Variants in RABL6 observed in about 807,000 individuals in gnomAD.
The protein encoded by RABL6 is RAB, member RAS oncogene family like 6.
A neutral mutation model predicts 72.9 loss-of-function variants in RABL6; 28 were observed. The ratio of observed to expected loss-of-function variants is 0.38; its 90% CI spans 0.28 to 0.53. RABL6 has a LOEUF of 0.53. RABL6 is among the 20% of genes least tolerant of loss of function. The probability of loss-of-function intolerance (pLI) is 0.80; values close to 1 mark genes in which losing one functional copy is unlikely to be tolerated. For missense variants in RABL6, 1,029 were observed against 1,008.4 expected, an observed-to-expected ratio of 1.02 and a Z score of -0.28; for synonymous variants, 477 against 421.2, an observed-to-expected ratio of 1.13 and a Z score of -1.62.
At chr9:136,829,611 G>A in intron 5 of RABL6, 127 bp downstream of exon 5, 1 of 827,756 alleles carries the variant, frequency 1.2e-6, no homozygotes, top group Non-Finnish European at 2.0e-6. Context: ...CTCTTGCTGG[G>A]CAGCTGTGGC....
At chr9:136,829,362 C>A in intron 4 of RABL6, 31 bp from the exon 5 acceptor site, 1 of 1,528,988 alleles carries the variant, frequency 6.5e-7, no homozygotes, top group Non-Finnish European at 8.9e-7. Context: ...CAGCCTGGGC[C>A]AGTCTCACAC....
chr9:136,838,630 T>G (rs1463963979), intron 10 of RABL6, among the ~76,000 whole-genome samples: 1 of 152,086 alleles, frequency 6.6e-6, no homozygotes, highest in African/African-American at 2.4e-5. Flanking sequence ...GGCCCTGAGC[T>G]GGGCCCGCCT....
At chr9:136,830,025 C>T (rs950019142) in intron 5 of RABL6, among the ~76,000 whole-genome samples, 24 of 152,300 alleles carry the variant, frequency 1.6e-4, no homozygotes, top group African/African-American at 4.8e-4. Context: ...GGAGCCCCAG[C>T]GGGGGGGTGC....
Position 136,840,177 on chromosome 9 carries a change from A to AAGG in RABL6, c.1957_1959dup (p.Glu653dup), listed in dbSNP as rs1848663207. Reference sequence around the variant, plus strand: ...AGGTAAGGAGGGCAAAACCCCCTCTAAGGAGAAGAAGAAGAAGAAGAAAAA... The same window carrying AAGG: ...AGGTAAGGAGGGCAAAACCCCCTCTAAGGAGGAGAAGAAGAAGAAGAAGAAAAA... On this transcript the variant is annotated inframe_insertion, in exon 14 of 15. Transcript: ENST00000311502. The AAGG allele has an allele frequency of 3.7e-6, 6 of 1,612,602 alleles. No homozygotes were observed. The highest frequency in any genetic ancestry group is 5.1e-6 in the Non-Finnish European group (6 of 1,179,794).
At chr9:136,836,767 C>T (rs1215435207) in intron 8 of RABL6, 1 of 180,042 alleles carries the variant, frequency 5.6e-6, no homozygotes, top group Admixed American at 5.5e-5. Flanking sequence ...ATCTGGCCAC[C>T]TCTGCATGGA....
At chr9:136,829,300 A>G (rs1452520746) in intron 4 of RABL6, 93 bp from the exon 5 acceptor site, 2 of 932,658 alleles carry the variant, frequency 2.1e-6, no homozygotes, top group South Asian at 2.8e-5. Context: ...ATCTTTTCAG[A>G]TTAGAAGACT....
chr9:136,838,063 G>C (rs1848617320), intron 10 of RABL6, 48 bp downstream of exon 10: 1 of 1,545,162 alleles, frequency 6.5e-7, no homozygotes, highest in Non-Finnish European at 8.7e-7. Context: ...CCAGCCTCCA[G>C]GGTGCCCGAG....
chr9:136,823,689 G>A (rs778617637), intron 2 of RABL6, 30 bp downstream of exon 2: 39 of 1,577,030 alleles, frequency 2.5e-5, no homozygotes, highest in Middle Eastern at 1.7e-4. Flanking sequence ...CAGTGGGTTC[G>A]GGCTCCAGGC....
At chr9:136,819,887 C>A (rs1003236346) in intron 1 of RABL6, among the ~76,000 whole-genome samples, 3 of 151,934 alleles carry the variant, frequency 2.0e-5, no homozygotes, top group African/African-American at 4.8e-5. Context: ...AAAAGCAAGA[C>A]CCTGTCTCTA....
At position 136,828,539 on chromosome 9, in the gene RABL6, CCCAGGAGGTGAGTG is replaced by C; in HGVS notation, c.365_366+12del. The C allele has an allele frequency of 6.2e-7, 1 of 1,613,228 alleles. No homozygotes were observed. Among genetic ancestry groups the C allele is most frequent in the Non-Finnish European group, 8.5e-7 (1 of 1,179,754 alleles). On this transcript the variant is annotated splice_donor_variant and splice_donor_5th_base_variant and coding_sequence_variant and intron_variant, in exon 4 of 15. Transcript: ENST00000311502. LOFTEE classifies it high-confidence loss of function. ...GACGGCTTAAAGATGGAGAACGACC[CCCAGGAGGTGAGTG>C]CCAGGTACACAGTGGGTAGCAGTGG...
intron 2 of RABL6, 118 bp from the exon 3 acceptor site, chr9:136,825,660 CG>C (rs1476504333): frequency 1.8e-6 from 2 of 1,104,540 alleles, no homozygotes; most frequent in Non-Finnish European, 2.8e-6. Flanking sequence ...TCTGGACACT[CG>C]GAAGTCCTGG....
At chr9:136,813,100 C>T (rs893978588) in intron 1 of RABL6, 10 of 389,540 alleles carry the variant, frequency 2.6e-5, no homozygotes, top group East Asian at 6.7e-5. Context: ...ACAAAGCTGT[C>T]GAATGACTAA....
At position 136,830,627 on chromosome 9, in the gene RABL6, C is replaced by T. The variant is rs895424669; in HGVS notation, c.459-1094C>T. Among the ~76,000 whole-genome samples, 2 of 152,262 alleles carry T rather than the reference C, an allele frequency of 1.3e-5. 1 individual carries two copies. Among genetic ancestry groups the T allele is most frequent in the South Asian group, 4.1e-4 (2 of 4,838 alleles). ...CTGGTGGGTGGGAAGTGGCTTTTCC[C>T]AAGCGAAGTTGAGTGTGGACACAGT... On this transcript the variant is annotated intron_variant, in intron 5 of 14. Coordinates refer to ENST00000311502, the MANE Select transcript of RABL6 (RefSeq NM_024718.5).
rs1848353599 is a variant in RABL6, at chr9:136,826,220, C to T, written c.313+394C>T. ...AGGACCCAGCTCCTGCGCTCCTGTC[C>T]CTGCCAGGGATCCCCAGCCACACAG... is the stretch of plus-strand genomic sequence containing the variant. On this transcript the variant is annotated intron_variant, in intron 3 of 14. Transcript: ENST00000311502. This position sits in a 1 kb window ranked among gnomAD's most constrained non-coding sequence, Gnocchi z 4.9. 6.6e-6 allele frequency among the ~76,000 whole-genome samples: 1 copy of T among 152,162 alleles called. No homozygotes were observed. Among genetic ancestry groups the T allele is most frequent in the South Asian group, 2.1e-4 (1 of 4,824 alleles).
chr9:136,817,523 CGTG>C (rs1300540200), intron 1 of RABL6, among the ~76,000 whole-genome samples: 3 of 149,870 alleles, frequency 2.0e-5, no homozygotes, highest in East Asian at 3.9e-4. Flanking sequence ...GGGAGGCCGA[CGTG>C]GGCTGTGGGG....
At chr9:136,815,418 C>T (rs1848100171) in intron 1 of RABL6, 2 of 277,240 alleles carry the variant, frequency 7.2e-6, no homozygotes, top group Non-Finnish European at 1.4e-5. Flanking sequence ...TTCTCCACAG[C>T]TGTCATCTTC....
At chr9:136,808,654 C>A (rs1029592220) in intron 1 of RABL6, 2 of 157,524 alleles carry the variant, frequency 1.3e-5, no homozygotes, top group Non-Finnish European at 2.8e-5. Context: ...TTACATAATG[C>A]CAAGCAGGGC....
Position 136,839,386 on chromosome 9 carries a change from C to G in RABL6, c.1658C>G (p.Ser553Trp). The G allele has an allele frequency of 6.2e-7, 1 of 1,612,536 alleles. No individual in the cohort carries two copies. The highest frequency in any genetic ancestry group is 8.5e-7 in the Non-Finnish European group (1 of 1,179,702). Residue 553 changes from serine to tryptophan, a missense_variant, in exon 12 of 15, where the codon TCG (serine) becomes TGG (tryptophan). Ser to Trp is a radical substitution (Grantham distance 177). Transcript: ENST00000311502. ...GGGAAGGGTGAGCAGGCCTCCTCGT[C>G]GGAGAGTGACCCCGAGGGACCCATT... is the stretch of plus-strand genomic sequence containing the variant. ...EPGKGEQASS[S>W]ESDPEGPIAA...
intron 5 of RABL6, among the ~76,000 whole-genome samples, 161 bp downstream of exon 5, chr9:136,829,645 C>T (rs894472858): frequency 6.6e-6 from 1 of 152,246 alleles, no homozygotes; most frequent in African/African-American, 2.4e-5. Flanking sequence ...GGGGCACTGG[C>T]CTGGATGTCG....
Sources: gnomAD v4.1 joint callset for allele counts (sites outside exome capture counted in the v4.1 genomes callset) on GRCh38, gnomAD v4.1.1 for gene constraint, Gnocchi (gnomAD v3.1) non-coding constraint, MANE v1.5 for transcripts, NCBI Gene and HGNC (gene_info 2026-07-23, HGNC 2026-07-21) for gene names.